Variants in HLA-DRB5 observed in about 807,000 individuals in gnomAD.
The protein encoded by HLA-DRB5 is major histocompatibility complex, class II, DR beta 5.
HLA-DRB5 carries 11 observed loss-of-function variants against 22.4 expected under a neutral mutation model. The observed-to-expected ratio is 0.49, with a 90% CI of 0.31 to 0.81. The LOEUF (loss-of-function observed/expected upper bound fraction) is 0.81. Among genes scored for constraint, HLA-DRB5 ranks in the 40% least tolerant of loss-of-function variants. HLA-DRB5 has a pLI of 0.05. For synonymous variants in HLA-DRB5, 57 were observed against 106.0 expected, an observed-to-expected ratio of 0.54 and a Z score of 2.84; for missense variants, 106 against 274.4, an observed-to-expected ratio of 0.39 and a Z score of 4.34.
rs879158976 is a variant in HLA-DRB5, at chr6:32,517,497, G to GACA, written c.*241_*242insTGT. On this transcript the variant is annotated 3_prime_UTR_variant, in exon 6 of 6. Transcript: ENST00000374975. ...AGTACAGATGCATGGGAGGCCGTAG[G>GACA]GTTAGGTAAAGGGGAGCACTAAAGT... 542 of 144,430 alleles carry GACA rather than the reference G, an allele frequency of 3.8e-3. 2 individuals carry two copies. The highest frequency in any genetic ancestry group is 7.5e-3 in the Admixed American group (49 of 6,556). 8.9% of individuals were successfully genotyped at this position (144,430 alleles called of 1,614,324 possible).
chr6:32,529,952 C>G (rs766690056), intron 1 of HLA-DRB5, among the ~76,000 whole-genome samples, 173 bp downstream of exon 1: 2,753 of 144,222 alleles, frequency 0.019, 51 homozygotes, highest in African/African-American at 0.041. Flanking sequence ...ATGGAGAGGG[C>G]AAGTAGTCAA....
At chr6:32,519,870 AT>A (rs1768612624) in intron 2 of HLA-DRB5, among the ~76,000 whole-genome samples, 1 of 99,918 alleles carries the variant, frequency 1.0e-5, no homozygotes. Context: ...TTGTTTCTTC[AT>A]CACTTGAAAT....
At chr6:32,528,212 A>T in intron 1 of HLA-DRB5, among the ~76,000 whole-genome samples, 1 of 93,078 alleles carries the variant, frequency 1.1e-5, no homozygotes, top group Non-Finnish European at 2.2e-5. Flanking sequence ...AAGTAGGTGA[A>T]TCCATTTCTC....
intron 1 of HLA-DRB5, among the ~76,000 whole-genome samples, chr6:32,526,149 A>AAGGATCCAATCCAGTTTTC (rs1769602524): frequency 2.0e-5 from 2 of 99,254 alleles, no homozygotes; most frequent in Non-Finnish European, 4.1e-5. Flanking sequence ...TCGCTCTTCA[A>AAGGATCCAATCCAGTTTTC]ATGGTCCAAT....
At chr6:32,528,117 C>T (rs112846554) in intron 1 of HLA-DRB5, among the ~76,000 whole-genome samples, 1,054 of 43,330 alleles carry the variant, frequency 0.024, 2 homozygotes, top group Middle Eastern at 0.067. Flanking sequence ...ACTTTCGTCC[C>T]TTAGATCTTC....
chr6:32,525,682 T>A, intron 1 of HLA-DRB5, among the ~76,000 whole-genome samples: 1 of 79,258 alleles, frequency 1.3e-5, no homozygotes, highest in African/African-American at 5.2e-5. Context: ...ACTTATAACC[T>A]TTCAATTTTA....
At chr6:32,521,449 A>C (rs182420043) in intron 2 of HLA-DRB5, among the ~76,000 whole-genome samples, 1,039 of 108,560 alleles carry the variant, frequency 9.6e-3, no homozygotes, top group East Asian at 0.021. Flanking sequence ...TGCCAGGGAC[A>C]GTCTGGAACT....
At chr6:32,523,892 T>TCC (rs1192758390) in intron 1 of HLA-DRB5, among the ~76,000 whole-genome samples, 1 of 125,336 alleles carries the variant, frequency 8.0e-6, no homozygotes, top group Non-Finnish European at 1.7e-5. Context: ...TCCAGATAAT[T>TCC]CTTTGTTGGT....
chr6:32,524,178 C>T (rs761932836), intron 1 of HLA-DRB5, among the ~76,000 whole-genome samples: 6,384 of 109,076 alleles, frequency 0.059, 581 homozygotes, highest in African/African-American at 0.085. Flanking sequence ...TATCTTGGTC[C>T]TACATAAAAC....
intron 1 of HLA-DRB5, among the ~76,000 whole-genome samples, chr6:32,523,738 C>CAGGT (rs1769241521): frequency 1.1e-5 from 1 of 94,528 alleles, no homozygotes; most frequent in Non-Finnish European, 2.3e-5. Context: ...ATGCAACTGT[C>CAGGT]TACTTTTGCA....
At position 32,526,030 on chromosome 6, in the gene HLA-DRB5, T is replaced by C. The variant is rs73727907; in HGVS notation, c.101-3856A>G. On this transcript the variant is annotated intron_variant, in intron 1 of 5. Transcript: ENST00000374975. ...CAGGTCCTCCTGCTTCTCTTCAGCC[T>C]CTTTAGCCTTTTCCTTTTGATCCAG... 7.1e-3 allele frequency among the ~76,000 whole-genome samples: 712 copies of C among 100,924 alleles called. 46 individuals carry two copies. The highest frequency in any genetic ancestry group is 0.049 in the East Asian group (169 of 3,460). 66.2% of individuals were successfully genotyped at this position (100,924 alleles called of 152,430 possible). A position where few individuals can be genotyped will look rare whatever the true frequency, so the allele number is the denominator to read the frequency against.
Position 32,520,904 on chromosome 6 carries a change from C to A in HLA-DRB5, c.370+1001G>T, listed in dbSNP as rs1272166437. Among the ~76,000 whole-genome samples the A allele has an allele frequency of 2.5e-5, 2 of 79,452 alleles. 1 individual carries two copies. The highest frequency in any genetic ancestry group is 1.1e-4 in the African/African-American group (2 of 17,594). 52.1% of individuals were successfully genotyped at this position (79,452 alleles called of 152,430 possible). Reference sequence around the variant, plus strand: ...ATAATCTTACAGTACAAAGAACCCACAAAATCACTGAGAAAAATACTAAGC... The same window carrying A: ...ATAATCTTACAGTACAAAGAACCCAAAAAATCACTGAGAAAAATACTAAGC... On this transcript the variant is annotated intron_variant, in intron 2 of 5. Coordinates refer to ENST00000374975, the MANE Select transcript of HLA-DRB5 (RefSeq NM_002125.4).
intron 2 of HLA-DRB5, among the ~76,000 whole-genome samples, chr6:32,521,224 A>T (rs111620703): frequency 0.016 from 810 of 51,650 alleles, 1 homozygote; most frequent in Non-Finnish European, 0.022. Flanking sequence ...GTAACAGTGT[A>T]TTAAAATTTT....
intron 1 of HLA-DRB5, among the ~76,000 whole-genome samples, chr6:32,527,095 A>C (rs868680137): frequency 0.15 from 4,265 of 28,580 alleles, 1,634 homozygotes; most frequent in Non-Finnish European, 0.18. Context: ...ATCACTAGTG[A>C]ACTCAAGCCT....
At chr6:32,524,820 T>G (rs116785268) in intron 1 of HLA-DRB5, among the ~76,000 whole-genome samples, 5,358 of 61,676 alleles carry the variant, frequency 0.087, 85 homozygotes, top group Admixed American at 0.11. Context: ...ATTTGACAAA[T>G]AAAACCAGAG....
chr6:32,525,759 T>G (rs72508452), intron 1 of HLA-DRB5, among the ~76,000 whole-genome samples: 1 of 124,396 alleles, frequency 8.0e-6, no homozygotes, highest in East Asian at 2.1e-4. Context: ...AATTGCATAC[T>G]GAAATTCATA....
intron 2 of HLA-DRB5, among the ~76,000 whole-genome samples, 199 bp from the exon 3 acceptor site, chr6:32,519,850 A>T (rs186382204): frequency 0.11 from 8,537 of 77,366 alleles, 27 homozygotes; most frequent in Admixed American, 0.14. Flanking sequence ...AGAGATGTGA[A>T]AAATTGTGTT....
chr6:32,520,945 A>C (rs150773158), intron 2 of HLA-DRB5, among the ~76,000 whole-genome samples: 3,149 of 38,532 alleles, frequency 0.082, 3 homozygotes, highest in Middle Eastern at 0.17. Context: ...AGATAACAGA[A>C]AATAGATCAT....
At chr6:32,529,412 A>T (rs143607940) in intron 1 of HLA-DRB5, among the ~76,000 whole-genome samples, 1 of 28,292 alleles carries the variant, frequency 3.5e-5, no homozygotes, top group Non-Finnish European at 7.6e-5. Context: ...ATAAACTCTA[A>T]CCTGGGCCAG....
Sources: gnomAD v4.1 joint callset for allele counts (sites outside exome capture counted in the v4.1 genomes callset) on GRCh38, gnomAD v4.1.1 for gene constraint, MANE v1.5 for transcripts, NCBI Gene and HGNC (gene_info 2026-07-23, HGNC 2026-07-21) for gene names.